The following INTS10 variants were observed in gnomAD, a reference collection of about 807,000 sequenced individuals.
INTS10 encodes the protein integrator complex subunit 10.
INTS10 carries 44 observed loss-of-function variants against 94.4 expected under a neutral mutation model. The ratio of observed to expected loss-of-function variants is 0.47; its 90% CI spans 0.37 to 0.60. The LOEUF (loss-of-function observed/expected upper bound fraction) is 0.60. Ranked by LOEUF, INTS10 falls within the 20% of genes least tolerant of loss-of-function variation. INTS10 has a pLI of 0.00. For synonymous variants in INTS10, 341 were observed against 320.7 expected (o/e 1.06, Z -0.68); for missense variants, 797 against 868.7 (o/e 0.92, Z 1.04).
chr8:19,837,530 T>C (rs557971504), intron 13 of INTS10: 1 of 167,780 alleles, frequency 6.0e-6, no homozygotes, highest in South Asian at 1.7e-4. Flanking sequence ...GAGTGTGTTA[T>C]CTCTTTGACA....
rs537270579 is a variant in INTS10 at position 19,850,622 on chromosome 8, T to TA, written c.1977-1020dup. Among the ~76,000 whole-genome samples the TA allele has an allele frequency of 2.0e-4, 30 of 152,192 alleles. No homozygotes were observed. In the South Asian group the frequency reaches 3.9e-3, roughly 20 times the overall value. Reference sequence around the variant, plus strand: ...TAACACTTTTATCTTGCCCAGAACATAAAAAAATCTTCATTTTCAATCCTT... The same window carrying TA: ...TAACACTTTTATCTTGCCCAGAACATAAAAAAAATCTTCATTTTCAATCCTT... On this transcript the variant is annotated intron_variant, in intron 16 of 16. Transcript: ENST00000397977.
intron 9 of INTS10, among the ~76,000 whole-genome samples, chr8:19,828,864 C>T (rs903327430): frequency 1.3e-5 from 2 of 151,942 alleles, no homozygotes; most frequent in Admixed American, 6.6e-5. Context: ...GCCTGGTAGA[C>T]AGGTTTTGAT....
chr8:19,833,824 A>G (rs1451958951), intron 12 of INTS10, among the ~76,000 whole-genome samples: 2 of 152,076 alleles, frequency 1.3e-5, no homozygotes, highest in African/African-American at 4.8e-5. Flanking sequence ...CCTGGCCAAC[A>G]TGGTGAAACC....
intron 10 of INTS10, among the ~76,000 whole-genome samples, chr8:19,831,552 T>C (rs1052865797): frequency 2.0e-5 from 3 of 151,698 alleles, no homozygotes; most frequent in Non-Finnish European, 4.4e-5. Flanking sequence ...TAGCCAAGAG[T>C]GATGGCATGT....
intron 12 of INTS10, among the ~76,000 whole-genome samples, chr8:19,834,002 G>A (rs1457157534): frequency 4.2e-5 from 5 of 120,348 alleles, no homozygotes; most frequent in Non-Finnish European, 7.0e-5. Context: ...GCCAGACTCT[G>A]TCTCAAAAAA....
intron 13 of INTS10, among the ~76,000 whole-genome samples, chr8:19,837,849 C>A (rs2067786317): frequency 1.3e-5 from 2 of 150,746 alleles, no homozygotes; most frequent in African/African-American, 2.4e-5. Flanking sequence ...AAATTGATAA[C>A]CCCCTAACAA....
chr8:19,848,239 C>T (rs188192690), intron 16 of INTS10, among the ~76,000 whole-genome samples: 127 of 152,184 alleles, frequency 8.3e-4, no homozygotes, highest in Non-Finnish European at 1.5e-3. Flanking sequence ...AGATGAGTGG[C>T]AGAGATGTTG....
At chr8:19,839,829 G>C (rs556714124) in intron 13 of INTS10, among the ~76,000 whole-genome samples, 2 of 152,224 alleles carry the variant, frequency 1.3e-5, no homozygotes, top group East Asian at 3.9e-4. Flanking sequence ...TTGGGAGGCC[G>C]AGGCAGGTGG....
intron 12 of INTS10, among the ~76,000 whole-genome samples, chr8:19,834,136 A>G (rs534344157): frequency 1.3e-5 from 2 of 152,290 alleles, no homozygotes; most frequent in East Asian, 3.9e-4. Flanking sequence ...AACTCTCATG[A>G]CACCTACCAC....
At chr8:19,837,008 C>A (rs1310994199) in intron 12 of INTS10, 44 bp from the exon 13 acceptor site, 1 of 1,253,258 alleles carries the variant, frequency 8.0e-7, no homozygotes, top group Non-Finnish European at 1.2e-6. Context: ...GATTTCAGTT[C>A]AGAAAGCTTC....
intron 16 of INTS10, among the ~76,000 whole-genome samples, chr8:19,848,535 G>C (rs1193733317): frequency 6.6e-6 from 1 of 152,134 alleles, no homozygotes; most frequent in African/African-American, 2.4e-5. Flanking sequence ...TGTTCTATGA[G>C]GTGATCACCA....
intron 14 of INTS10, 53 bp from the exon 15 acceptor site, chr8:19,844,023 A>G: frequency 7.0e-7 from 1 of 1,438,380 alleles, no homozygotes; most frequent in South Asian, 1.3e-5. Context: ...TGTATTTCAG[A>G]TTACCCTGTG....
At position 19,843,065 on chromosome 8, in the gene INTS10, G is replaced by A; in HGVS notation, c.1719+138G>A. On this transcript the variant is annotated intron_variant, in intron 14 of 16. Transcript: ENST00000397977. This position sits in a 1 kb window ranked among gnomAD's most constrained non-coding sequence, Gnocchi z 4.7. Reference sequence around the variant, plus strand: ...GGCCCAAACAGTTAGAAAAGCACATGGGCTACTAATTAACAAATCTATATT... The same window carrying A: ...GGCCCAAACAGTTAGAAAAGCACATAGGCTACTAATTAACAAATCTATATT... The A allele has an allele frequency of 1.6e-6, 1 of 626,574 alleles. No homozygotes were observed. The highest frequency in any genetic ancestry group is 2.8e-6 in the Non-Finnish European group (1 of 354,952). The allele number at this position is 626,574 out of a possible 1,614,324, so 38.8% of individuals were successfully genotyped here.
chr8:19,831,375 T>A (rs1207738643), intron 10 of INTS10, among the ~76,000 whole-genome samples: 1 of 152,210 alleles, frequency 6.6e-6, no homozygotes, highest in Non-Finnish European at 1.5e-5. Flanking sequence ...ATTGTATGTT[T>A]GTTATTTTAA....
rs370780525 is a variant in INTS10 at position 19,833,153 on chromosome 8, A to G, written c.1378-16A>G. 1 of 1,525,326 alleles carries G rather than the reference A, an allele frequency of 6.6e-7. No homozygotes were observed. 94.5% of individuals were successfully genotyped at this position (1,525,326 alleles called of 1,614,324 possible). On this transcript the variant is annotated splice_polypyrimidine_tract_variant and intron_variant, in intron 11 of 16. Coordinates refer to ENST00000397977, the MANE Select transcript of INTS10 (RefSeq NM_018142.4). ...CAGCGATGCTTTTCCCCTCCTTGCT[A>G]TTCTATCTTTCTTAGGGTCAATATA...
At chr8:19,823,651 G>A (rs962814101) in intron 6 of INTS10, among the ~76,000 whole-genome samples, 2 of 152,142 alleles carry the variant, frequency 1.3e-5, no homozygotes, top group African/African-American at 4.8e-5. Flanking sequence ...TGGCTGAGCT[G>A]TAATGTTATT....
rs188196747 is a variant in INTS10 at position 19,829,955 on chromosome 8, G to A, written c.1141-451G>A. On this transcript the variant is annotated intron_variant, in intron 9 of 16. Transcript: ENST00000397977. ...AGTGCTGGGAATATAGGCATAAGCTGCCACGCCCGGCCCCAGGCTTTAATT... is the reference window on the plus strand; with the variant it reads ...AGTGCTGGGAATATAGGCATAAGCTACCACGCCCGGCCCCAGGCTTTAATT... Among the ~76,000 whole-genome samples the A allele has an allele frequency of 2.6e-5, 4 of 152,220 alleles. No homozygotes were observed. In the East Asian group the frequency reaches 7.7e-4, roughly 29 times the overall value.
intron 5 of INTS10, 126 bp from the exon 6 acceptor site, chr8:19,823,175 A>C: frequency 1.4e-6 from 1 of 701,180 alleles, no homozygotes; most frequent in Non-Finnish European, 2.4e-6. Flanking sequence ...TACATGAGTC[A>C]TAAGGGATTT....
At position 19,824,945 on chromosome 8, in the gene INTS10, A is replaced by T. The variant is rs1346781572; in HGVS notation, c.979A>T (p.Asn327Tyr). 14 of 1,614,010 alleles carry T rather than the reference A, an allele frequency of 8.7e-6. No individual in the cohort carries two copies. Among genetic ancestry groups the T allele is most frequent in the Non-Finnish European group, 1.2e-5 (14 of 1,179,940 alleles). ...CTTTAAGAATGCATTCCAGTATGTC[A>T]ACAGCATACAGCCATCTCTCTTCCA... ...VFFKNAFQYVNSIQPSLFQGP... is the reference protein window; with the variant it reads ...VFFKNAFQYVYSIQPSLFQGP... The change falls in exon 8 of 17, where the codon AAC (asparagine) becomes TAC (tyrosine). Residue 327 changes from asparagine (N) to tyrosine (Y), a missense_variant. Asn to Tyr is a moderately radical substitution (Grantham distance 143, BLOSUM62 -2). Transcript: ENST00000397977.
Sources: allele counts gnomAD v4.1 joint callset (sites outside exome capture counted in the v4.1 genomes callset), GRCh38; gene constraint gnomAD v4.1.1; non-coding constraint Gnocchi (gnomAD v3.1); transcripts MANE v1.5; gene names NCBI Gene and HGNC (gene_info 2026-07-23, HGNC 2026-07-21).